The following VAT1L variants were observed in gnomAD, a reference collection of about 807,000 sequenced individuals.
VAT1L encodes putative NADPH-dependent quinone oxidoreductase VAT1L.
Under a neutral mutation model 44.1 loss-of-function variants are expected in VAT1L, and 34 were observed. That is an observed-to-expected ratio of 0.77 (90% CI 0.59 to 1.03). VAT1L has a LOEUF of 1.03. VAT1L is among the 50% of genes least tolerant of loss of function. The pLI is 0.00. For missense variants in VAT1L, 615 were observed against 538.8 expected (o/e 1.14, Z -1.40); for synonymous variants, 253 against 202.2 (o/e 1.25, Z -2.13).
chr16:77,877,786 A>G (rs6564480), intron 5 of VAT1L, among the ~76,000 whole-genome samples: 75,819 of 151,948 alleles, frequency 0.5, 20,296 homozygotes, highest in East Asian at 0.77. Context: ...TTTTTTTGTC[A>G]TCTTCAGACC....
chr16:77,872,877 G>C (rs1490881460), intron 4 of VAT1L, among the ~76,000 whole-genome samples: 1 of 152,176 alleles, frequency 6.6e-6, no homozygotes, highest in Non-Finnish European at 1.5e-5. Context: ...TAAACACTCA[G>C]CAAATGGTTA....
At chr16:77,871,822 G>A (rs1334809464) in intron 4 of VAT1L, among the ~76,000 whole-genome samples, 1 of 152,260 alleles carries the variant, frequency 6.6e-6, no homozygotes, top group Middle Eastern at 3.4e-3. Context: ...CTCTTTGGAA[G>A]GTCAAGAGCA....
Position 77,788,667 on chromosome 16 carries a change from C to A in VAT1L, c.-16C>A, listed in dbSNP as rs1172239667. ...CGCAGCCACCGCAGCCCGTGCGCCC[C>A]GCGCCCTCGAGCGCCATGGCCAAGG... On this transcript the variant is annotated 5_prime_UTR_variant, in exon 1 of 9. Transcript: ENST00000302536. 6.5e-7 allele frequency: 1 copy of A among 1,547,374 alleles called. No individual in the cohort carries two copies. The highest frequency in any genetic ancestry group is 8.7e-7 in the Non-Finnish European group (1 of 1,145,796).
intron 3 of VAT1L, among the ~76,000 whole-genome samples, chr16:77,829,359 G>A (rs1292896063): frequency 1.3e-5 from 2 of 152,188 alleles, no homozygotes; most frequent in African/African-American, 4.8e-5. Flanking sequence ...AGCCCTAATG[G>A]CACCAAGACT....
chr16:77,898,329 G>T (rs142536704), intron 7 of VAT1L, among the ~76,000 whole-genome samples: 211 of 152,216 alleles, frequency 1.4e-3, no homozygotes, highest in African/African-American at 4.6e-3. Context: ...TGGAAAAGAG[G>T]GGGGGGACAC....
chr16:77,940,606 G>T (rs184412589), intron 7 of VAT1L, among the ~76,000 whole-genome samples: 1 of 152,068 alleles, frequency 6.6e-6, no homozygotes, highest in Non-Finnish European at 1.5e-5. Flanking sequence ...GCCTCCCAAA[G>T]TGCTGGGATT....
chr16:77,908,233 T>G lies in VAT1L; in HGVS notation c.1077+23431T>G, dbSNP rs535565818. On this transcript the variant is annotated intron_variant, in intron 7 of 8. Coordinates refer to ENST00000302536, the MANE Select transcript of VAT1L (RefSeq NM_020927.3). ...CAGCCTGGGTGACAGAGTGAGACTC[T>G]GTCTCAAAAAAAAAAAAAAAGTTCA... Among the ~76,000 whole-genome samples, 3 of 143,318 alleles carry G rather than the reference T, an allele frequency of 2.1e-5. No homozygotes were observed. The East Asian group carries it at 6.2e-4, about 30-fold the overall frequency. 94.0% of individuals were successfully genotyped at this position (143,318 alleles called of 152,430 possible).
At chr16:77,882,959 C>T (rs1052084113) in intron 6 of VAT1L, among the ~76,000 whole-genome samples, 2 of 152,148 alleles carry the variant, frequency 1.3e-5, no homozygotes, top group Admixed American at 6.5e-5. Flanking sequence ...AGGTCAAATG[C>T]GTGGCTCTTA....
intron 7 of VAT1L, among the ~76,000 whole-genome samples, chr16:77,890,492 C>T (rs1013382194): frequency 1.3e-5 from 2 of 152,080 alleles, no homozygotes; most frequent in Non-Finnish European, 2.9e-5. Flanking sequence ...CCACTCTGGC[C>T]CCAAGTATGA....
At chr16:77,873,842 C>G (rs2142451295) in intron 4 of VAT1L, among the ~76,000 whole-genome samples, 1 of 152,212 alleles carries the variant, frequency 6.6e-6, no homozygotes, top group South Asian at 2.1e-4. Flanking sequence ...GATGACAGCA[C>G]ATGCAAAGGC....
At chr16:77,937,472 A>G (rs563193098) in intron 7 of VAT1L, among the ~76,000 whole-genome samples, 46 of 149,578 alleles carry the variant, frequency 3.1e-4, no homozygotes, top group African/African-American at 9.9e-4. Context: ...CTTGACAGTT[A>G]CCCAAGAGAC....
chr16:77,900,336 T>C (rs1402008346), intron 7 of VAT1L, among the ~76,000 whole-genome samples: 1 of 152,164 alleles, frequency 6.6e-6, no homozygotes, highest in Non-Finnish European at 1.5e-5. Flanking sequence ...CAGCATAATT[T>C]TTTCTATATA....
chr16:77,976,044 G>A (rs768434710), intron 8 of VAT1L, among the ~76,000 whole-genome samples: 7 of 152,190 alleles, frequency 4.6e-5, no homozygotes, highest in Non-Finnish European at 1.0e-4. Context: ...GAGCCAATTG[G>A]CATATTGGTG....
At chr16:77,790,413 C>T (rs3897943) in intron 1 of VAT1L, among the ~76,000 whole-genome samples, 8,798 of 152,246 alleles carry the variant, frequency 0.058, 297 homozygotes, top group Admixed American at 0.1. Context: ...CCCACTCCCC[C>T]ACCCCACACT....
chr16:77,903,214 T>G (rs746731472), intron 7 of VAT1L, among the ~76,000 whole-genome samples: 5 of 152,112 alleles, frequency 3.3e-5, no homozygotes, highest in Admixed American at 6.5e-5. Context: ...ACCTGTAAAT[T>G]TGGGAGGAAT....
intron 7 of VAT1L, among the ~76,000 whole-genome samples, chr16:77,899,856 G>A (rs1201710995): frequency 6.6e-6 from 1 of 152,222 alleles, no homozygotes; most frequent in Admixed American, 6.5e-5. Context: ...TTTAAGGCCA[G>A]TACTTGAGCC....
chr16:77,854,633 C>A (rs181029373), intron 3 of VAT1L, among the ~76,000 whole-genome samples: 55 of 152,230 alleles, frequency 3.6e-4, no homozygotes, highest in African/African-American at 1.3e-3. Flanking sequence ...ATCTAAGTAC[C>A]TCTATGCGTC....
intron 7 of VAT1L, among the ~76,000 whole-genome samples, chr16:77,957,028 A>G (rs114709639): frequency 0.02 from 2,982 of 152,308 alleles, 104 homozygotes; most frequent in African/African-American, 0.068. Context: ...TCTGACTTCT[A>G]TTAAAGTAAT....
intron 1 of VAT1L, among the ~76,000 whole-genome samples, chr16:77,799,515 G>GTGTGTA: frequency 4.7e-5 from 1 of 21,176 alleles, no homozygotes; most frequent in African/African-American, 7.5e-5. Context: ...GTGTGTGTGT[G>GTGTGTA]TGTGTGTGTG....
Sources: gnomAD v4.1 joint callset for allele counts (sites outside exome capture counted in the v4.1 genomes callset) on GRCh38, gnomAD v4.1.1 for gene constraint, MANE v1.5 for transcripts, NCBI Gene and HGNC (gene_info 2026-07-23, HGNC 2026-07-21) for gene names.